MEGF10: variants seen among roughly 807,000 people sequenced by gnomAD.
MEGF10 encodes the protein multiple epidermal growth factor-like domains protein 10.
Under a neutral mutation model 147.5 loss-of-function variants are expected in MEGF10, and 86 were observed. The observed-to-expected ratio is 0.58, with a 90% confidence interval of 0.49 to 0.70. MEGF10 has a LOEUF of 0.70. MEGF10 is among the 30% of genes least tolerant of loss of function. MEGF10 has a pLI of 0.00. For missense variants in MEGF10, 1,329 were observed against 1,487.3 expected (o/e 0.89, Z 1.75); for synonymous variants, 478 against 525.5 (o/e 0.91, Z 1.24).
At position 127,431,599 on chromosome 5, in the gene MEGF10, T is replaced by G. The variant is rs182636086; in HGVS notation, c.1694-1764T>G. Among the ~76,000 whole-genome samples, 73 of 152,328 alleles carry G rather than the reference T, an allele frequency of 4.8e-4. No homozygotes were observed. In the East Asian group the frequency reaches 9.5e-3, roughly 20 times the overall value. On this transcript the variant is annotated intron_variant, in intron 13 of 24. Transcript: ENST00000503335. ...TTCAAAATCTTCGTTGGGATTTGTC[T>G]TGATGGCATCAGACCAAAATGCCCT...
intron 20 of MEGF10, among the ~76,000 whole-genome samples, chr5:127,446,443 T>TCA (rs1327746174): frequency 6.6e-6 from 1 of 152,198 alleles, no homozygotes; most frequent in Non-Finnish European, 1.5e-5. Flanking sequence ...AATTATTGTG[T>TCA]CAAGAACTCA....
intron 13 of MEGF10, among the ~76,000 whole-genome samples, chr5:127,432,668 CCTTTT>C (rs1431094521): frequency 6.6e-6 from 1 of 152,026 alleles, no homozygotes; most frequent in African/African-American, 2.4e-5. Flanking sequence ...CTTTCTGTTT[CCTTTT>C]GTCATTTTTT....
chr5:127,386,114 CAAACAAACA>C (rs933086463), intron 5 of MEGF10, among the ~76,000 whole-genome samples: 3 of 152,118 alleles, frequency 2.0e-5, no homozygotes, highest in African/African-American at 7.2e-5. Flanking sequence ...TCTCTAAAAA[CAAACAAACA>C]AAACAAACAA....
At chr5:127,296,101 T>C (rs576858722) in intron 1 of MEGF10, among the ~76,000 whole-genome samples, 5 of 152,348 alleles carry the variant, frequency 3.3e-5, no homozygotes, top group Non-Finnish European at 7.3e-5. Flanking sequence ...TTTTTAAATA[T>C]AGTTATTGCA....
the MEGF10 span, among the ~76,000 whole-genome samples, chr5:127,254,941 T>A: frequency 6.6e-6 from 1 of 151,378 alleles, no homozygotes; most frequent in Non-Finnish European, 1.5e-5. Flanking sequence ...GTTTAATTAA[T>A]GTAGAACTAG....
rs544121375 is a variant in MEGF10, at chr5:127,369,941, C to G, written c.351C>G (p.Arg117=). Residue 117 remains arginine, a synonymous_variant, in exon 5 of 25, where the codon CGC becomes CGG. Transcript: ENST00000503335. ...GTGCTGATAAATGTGTCCATGGTCG[C>G]TGTATTGCTCCAAACACCTGTCAGT... ...PHCADKCVHG[R]CIAPNTCQCE... The G allele has an allele frequency of 3.1e-6, 5 of 1,612,712 alleles. No homozygotes were observed. In the African/African-American group the frequency reaches 6.7e-5, roughly 22 times the overall value.
At chr5:127,340,659 T>A (rs1245144485) in intron 4 of MEGF10, 29 bp downstream of exon 4, 1 of 1,587,790 alleles carries the variant, frequency 6.3e-7, no homozygotes, top group Non-Finnish European at 8.6e-7. Flanking sequence ...CCTTTGAGAT[T>A]CGCTAGTTTT....
chr5:127,350,083 C>T (rs1044823314), intron 4 of MEGF10, among the ~76,000 whole-genome samples: 4 of 152,060 alleles, frequency 2.6e-5, no homozygotes, highest in Admixed American at 2.0e-4. Flanking sequence ...CCAAATTTCA[C>T]GGCTATGTTT....
rs771935058 is a variant in MEGF10 at position 127,422,834 on chromosome 5, C to T, written c.1693+62C>T. ...CGCCAATTTAACACCTAGTGCTGTT[C>T]CTTATCACTTCACAGAAACACACAC... On this transcript the variant is annotated intron_variant, in intron 13 of 24. Coordinates refer to ENST00000503335, the MANE Select transcript of MEGF10 (RefSeq NM_001256545.2). 388 of 1,206,846 alleles carry T rather than the reference C, an allele frequency of 3.2e-4. 1 individual carries two copies. The Middle Eastern group carries it at 4.9e-3, about 15-fold the overall frequency. 74.8% of individuals were successfully genotyped at this position (1,206,846 alleles called of 1,614,324 possible). A position where few individuals can be genotyped will look rare whatever the true frequency, so the allele number is the denominator to read the frequency against.
At chr5:127,307,812 TAA>T (rs1760082292) in intron 1 of MEGF10, among the ~76,000 whole-genome samples, 1 of 152,258 alleles carries the variant, frequency 6.6e-6, no homozygotes, top group African/African-American at 2.4e-5. Context: ...AAAAATTTTG[TAA>T]AGTCTGTTTT....
At chr5:127,396,885 G>T in intron 6 of MEGF10, 107 bp downstream of exon 6, 1 of 1,498,426 alleles carries the variant, frequency 6.7e-7, no homozygotes, top group Non-Finnish European at 9.0e-7. Flanking sequence ...GCTGCCTGAA[G>T]AGTTACTGAT....
At chr5:127,314,791 G>A (rs1052067837) in intron 1 of MEGF10, among the ~76,000 whole-genome samples, 2 of 152,064 alleles carry the variant, frequency 1.3e-5, no homozygotes, top group Non-Finnish European at 2.9e-5. Flanking sequence ...CTTCATGTAT[G>A]GTTTACATTC....
At chr5:127,377,416 C>A (rs1351372462) in intron 5 of MEGF10, among the ~76,000 whole-genome samples, 11 of 152,088 alleles carry the variant, frequency 7.2e-5, no homozygotes, top group Non-Finnish European at 1.0e-4. Context: ...ACATTAGTAC[C>A]ACATAGCGGC....
chr5:127,382,903 C>T (rs1426865270), intron 5 of MEGF10, among the ~76,000 whole-genome samples: 1 of 152,138 alleles, frequency 6.6e-6, no homozygotes, highest in African/African-American at 2.4e-5. Context: ...TCATTTCTCA[C>T]CATCAGATTG....
intron 22 of MEGF10, among the ~76,000 whole-genome samples, chr5:127,453,591 C>T (rs1422582940): frequency 6.6e-6 from 1 of 152,178 alleles, no homozygotes; most frequent in Admixed American, 6.5e-5. Context: ...AAAATTGACA[C>T]TCAGAGGGTG....
the MEGF10 span, among the ~76,000 whole-genome samples, chr5:127,253,392 T>C: frequency 6.6e-6 from 1 of 152,154 alleles, no homozygotes; most frequent in African/African-American, 2.4e-5. Flanking sequence ...GTATTCCTAT[T>C]CAAGTTGGAA....
chr5:127,341,448 C>T (rs1277171789), intron 4 of MEGF10, among the ~76,000 whole-genome samples: 1 of 152,158 alleles, frequency 6.6e-6, no homozygotes, highest in Admixed American at 6.5e-5. Context: ...GGATAGATCT[C>T]AGCTTAAGAA....
intron 5 of MEGF10, among the ~76,000 whole-genome samples, chr5:127,387,326 G>T (rs1467619909): frequency 6.6e-6 from 1 of 152,070 alleles, no homozygotes; most frequent in Non-Finnish European, 1.5e-5. Flanking sequence ...TGTGTTCAAA[G>T]ACTTTTTCTA....
chr5:127,317,148 G>A (rs1438430350), intron 1 of MEGF10, among the ~76,000 whole-genome samples: 1 of 152,144 alleles, frequency 6.6e-6, no homozygotes, highest in African/African-American at 2.4e-5. Flanking sequence ...GCTCTCAAAA[G>A]CTTTTAAGAA....
Sources: gnomAD v4.1 joint callset for allele counts (sites outside exome capture counted in the v4.1 genomes callset) on GRCh38, gnomAD v4.1.1 for gene constraint, MANE v1.5 for transcripts, NCBI Gene and HGNC (gene_info 2026-07-23, HGNC 2026-07-21) for gene names.